Variants in MAP3K5 observed in about 807,000 individuals in gnomAD.
MAP3K5 encodes ASK-1.
MAP3K5 carries 56 observed loss-of-function variants against 158.7 expected under a neutral mutation model. The ratio of observed to expected loss-of-function variants is 0.35; its 90% CI spans 0.28 to 0.44. MAP3K5 has a LOEUF of 0.44. Ranked by LOEUF, MAP3K5 falls within the 20% of genes least tolerant of loss-of-function variation. The pLI is 1.00. For synonymous variants in MAP3K5, 579 were observed against 601.7 expected (o/e 0.96, Z 0.55); for missense variants, 1,294 against 1,674.8 (o/e 0.77, Z 3.97).
chr6:136,785,469 G>A (rs113335375), intron 1 of MAP3K5, among the ~76,000 whole-genome samples: 9 of 152,278 alleles, frequency 5.9e-5, no homozygotes, highest in South Asian at 4.1e-4. Flanking sequence ...TGAAAGGCCC[G>A]GGCGGATGTG....
intron 2 of MAP3K5, 124 bp from the exon 3 acceptor site, chr6:136,705,257 C>G: frequency 2.1e-6 from 1 of 476,464 alleles, no homozygotes; most frequent in South Asian, 3.0e-5. Context: ...ATTTTAGGAA[C>G]TGTAGATTCA....
chr6:136,750,835 A>C (rs1323270658), intron 1 of MAP3K5, among the ~76,000 whole-genome samples: 1 of 152,238 alleles, frequency 6.6e-6, no homozygotes, highest in Non-Finnish European at 1.5e-5. Flanking sequence ...GCTCCTAAGG[A>C]TCAACTACAA....
At chr6:136,579,133 TTATA>T (rs1207344305) in intron 25 of MAP3K5, among the ~76,000 whole-genome samples, 1 of 152,202 alleles carries the variant, frequency 6.6e-6, no homozygotes, top group Non-Finnish European at 1.5e-5. Flanking sequence ...TCTAATTTGT[TTATA>T]TAAATATATA....
At position 136,668,746 on chromosome 6, in the gene MAP3K5, G is replaced by T. The variant is rs145720471; in HGVS notation, c.1366+537C>A. Among the ~76,000 whole-genome samples, 1,212 of 152,214 alleles carry T rather than the reference G, an allele frequency of 8.0e-3. 14 individuals carry two copies. Among genetic ancestry groups the T allele is most frequent in the African/African-American group, 0.028 (1,158 of 41,524 alleles). On this transcript the variant is annotated intron_variant, in intron 8 of 29. Transcript: ENST00000359015. ...AAAAGGGACAAAAGCACATTCTGTC[G>T]ATGGCTATGATTCAGAGATGGTCTG...
At chr6:136,791,318 A>G (rs531925601) in intron 1 of MAP3K5, among the ~76,000 whole-genome samples, 29 of 152,328 alleles carry the variant, frequency 1.9e-4, no homozygotes, top group Non-Finnish European at 3.4e-4. Flanking sequence ...GGAGAACCTC[A>G]TCTAAAACGG....
At chr6:136,621,030 G>A (rs1217697759) in intron 15 of MAP3K5, among the ~76,000 whole-genome samples, 4 of 151,952 alleles carry the variant, frequency 2.6e-5, no homozygotes, top group Non-Finnish European at 2.9e-5. Context: ...AAGTAATTGC[G>A]GTTTTTGCCA....
chr6:136,570,237 C>T (rs553212335), intron 25 of MAP3K5, among the ~76,000 whole-genome samples: 4 of 152,272 alleles, frequency 2.6e-5, no homozygotes, highest in Non-Finnish European at 4.4e-5. Flanking sequence ...CCTCTAGGTA[C>T]CTTTTTATAT....
chr6:136,669,223 C>A, intron 8 of MAP3K5, 60 bp downstream of exon 8: 1 of 1,078,788 alleles, frequency 9.3e-7, no homozygotes, highest in Non-Finnish European at 1.4e-6. Context: ...GATTCTTTTT[C>A]TTTGCACCAA....
chr6:136,738,371 A>G (rs1026500728), intron 1 of MAP3K5, among the ~76,000 whole-genome samples: 5 of 152,144 alleles, frequency 3.3e-5, no homozygotes, highest in Admixed American at 6.5e-5. Flanking sequence ...TGTGTCCTCC[A>G]AGGGACCTGA....
chr6:136,741,885 G>A (rs897265768), intron 1 of MAP3K5, among the ~76,000 whole-genome samples: 1 of 152,052 alleles, frequency 6.6e-6, no homozygotes, highest in Admixed American at 6.6e-5. Context: ...AAAACACAAT[G>A]CCATTTACAT....
Position 136,758,992 on chromosome 6 carries a change from G to A in MAP3K5, c.448+32718C>T, listed in dbSNP as rs566171485. 2.7e-3 allele frequency among the ~76,000 whole-genome samples: 418 copies of A among 152,256 alleles called. 1 individual carries two copies. Among genetic ancestry groups the A allele is most frequent in the African/African-American group, 9.7e-3 (402 of 41,544 alleles). On this transcript the variant is annotated intron_variant, in intron 1 of 29. Transcript: ENST00000359015. ...GTTTGCGACCAGCCTGGCCAACATG[G>A]TGAAGCTCTGTTTCTATCAAAAATA...
intron 1 of MAP3K5, among the ~76,000 whole-genome samples, chr6:136,779,506 A>AT (rs1221169668): frequency 6.6e-6 from 1 of 151,988 alleles, no homozygotes; most frequent in Non-Finnish European, 1.5e-5. Context: ...TGATTAGCAC[A>AT]TACACCTAGT....
chr6:136,746,431 T>G (rs899636017), intron 1 of MAP3K5, among the ~76,000 whole-genome samples: 1 of 152,214 alleles, frequency 6.6e-6, no homozygotes, highest in African/African-American at 2.4e-5. Flanking sequence ...GGAATTTCTA[T>G]GTACTGTTCT....
chr6:136,686,471 G>A (rs573852823), intron 7 of MAP3K5, among the ~76,000 whole-genome samples: 26 of 152,166 alleles, frequency 1.7e-4, no homozygotes, highest in African/African-American at 5.3e-4. Flanking sequence ...TAGGAAGAGC[G>A]GAAGTCAAAT....
chr6:136,697,124 G>A (rs1182477141), intron 5 of MAP3K5, 95 bp downstream of exon 5: 2 of 1,051,902 alleles, frequency 1.9e-6, no homozygotes, highest in Non-Finnish European at 2.7e-6. Context: ...GTAGTAACAT[G>A]AACTGCTTAC....
chr6:136,728,114 G>A (rs568290665), intron 1 of MAP3K5, among the ~76,000 whole-genome samples: 6 of 152,298 alleles, frequency 3.9e-5, no homozygotes, highest in African/African-American at 1.4e-4. Flanking sequence ...AGGTTTATCA[G>A]GGGTTTGTTA....
chr6:136,566,643 T>C (rs1045879744), intron 26 of MAP3K5, among the ~76,000 whole-genome samples: 28 of 152,204 alleles, frequency 1.8e-4, no homozygotes, highest in African/African-American at 6.8e-4. Context: ...AATTGGGATA[T>C]GAAAGTCAGA....
chr6:136,594,395 GTTTCAC>G (rs1562531485), intron 21 of MAP3K5, among the ~76,000 whole-genome samples: 1 of 152,262 alleles, frequency 6.6e-6, no homozygotes. Flanking sequence ...AGTGTGCCTT[GTTTCAC>G]TTTAGAGTCA....
At chr6:136,691,621 A>G (rs1212418386) in intron 7 of MAP3K5, among the ~76,000 whole-genome samples, 1 of 152,152 alleles carries the variant, frequency 6.6e-6, no homozygotes, top group Non-Finnish European at 1.5e-5. Context: ...AAAAAAAAAA[A>G]AAAAGTATTT....
Sources: allele counts gnomAD v4.1 joint callset (sites outside exome capture counted in the v4.1 genomes callset), GRCh38; gene constraint gnomAD v4.1.1; transcripts MANE v1.5; gene names NCBI Gene and HGNC (gene_info 2026-07-23, HGNC 2026-07-21).